Variants in DIPK1A observed in about 807,000 individuals in gnomAD.
The protein encoded by DIPK1A is divergent protein kinase domain 1A, also known as family with sequence similarity 69 member A.
DIPK1A carries 27 observed loss-of-function variants against 40.8 expected under a neutral mutation model. That is an observed-to-expected ratio of 0.66 (90% CI 0.49 to 0.91). The LOEUF (loss-of-function observed/expected upper bound fraction) is 0.91. DIPK1A is among the 40% of genes least tolerant of loss of function. The pLI is 0.00. For synonymous variants in DIPK1A, 166 were observed against 171.3 expected (o/e 0.97, Z 0.24); for missense variants, 412 against 505.7 (o/e 0.81, Z 1.78).
downstream of DIPK1A, chr1:92,841,737 T>A: frequency 6.8e-7 from 1 of 1,480,786 alleles, no homozygotes; most frequent in Non-Finnish European, 9.4e-7. Flanking sequence ...AGTTATAGTT[T>A]AAAAAATATA....
chr1:92,870,351 G>C (rs961816589), intron 2 of DIPK1A, among the ~76,000 whole-genome samples: 3 of 152,016 alleles, frequency 2.0e-5, no homozygotes, highest in African/African-American at 7.3e-5. Context: ...TCAGCCTCCT[G>C]GGTAGCTGGG....
chr1:92,871,258 C>T (rs1279663443), intron 2 of DIPK1A, among the ~76,000 whole-genome samples: 1 of 152,094 alleles, frequency 6.6e-6, no homozygotes, highest in Non-Finnish European at 1.5e-5. Flanking sequence ...CTCCTCCTCC[C>T]GGGTTCAAGC....
At chr1:92,846,825 A>ATG (rs1687630548) in intron 4 of DIPK1A, among the ~76,000 whole-genome samples, 3 of 5,528 alleles carry the variant, frequency 5.4e-4, no homozygotes, top group African/African-American at 4.7e-3. Context: ...ATATATATAT[A>ATG]TATATATATA....
chr1:92,865,928 GTTTGT>G (rs1647514827), intron 2 of DIPK1A, among the ~76,000 whole-genome samples: 1 of 152,068 alleles, frequency 6.6e-6, no homozygotes, highest in South Asian at 2.1e-4. Flanking sequence ...TCAACATTCT[GTTTGT>G]TTTTAGAATT....
At chr1:92,909,861 T>C (rs1396782876) in intron 1 of DIPK1A, among the ~76,000 whole-genome samples, 1 of 152,222 alleles carries the variant, frequency 6.6e-6, no homozygotes. Context: ...GAACCTCATT[T>C]ACAAAACATA....
At chr1:92,832,865 A>C in exon 5 of DIPK1A, 1 of 619,980 alleles carries the variant, frequency 1.6e-6, no homozygotes, top group South Asian at 1.9e-5. Flanking sequence ...CAGGTAATTT[A>C]GGCTTTTGAA....
chr1:92,927,188 T>C (rs1456690577), intron 1 of DIPK1A, among the ~76,000 whole-genome samples: 2 of 152,104 alleles, frequency 1.3e-5, no homozygotes, highest in Non-Finnish European at 2.9e-5. Context: ...TGTTTTGTTG[T>C]TGTTGTTGTT....
At chr1:92,928,073 C>T (rs1650593512) in intron 1 of DIPK1A, among the ~76,000 whole-genome samples, 1 of 152,138 alleles carries the variant, frequency 6.6e-6, no homozygotes, top group Non-Finnish European at 1.5e-5. Context: ...ACACTTCCAC[C>T]AGCAGTGTAT....
At chr1:92,940,598 A>T (rs1651115563) in intron 1 of DIPK1A, among the ~76,000 whole-genome samples, 1 of 152,244 alleles carries the variant, frequency 6.6e-6, no homozygotes, top group Non-Finnish European at 1.5e-5. Context: ...TGGAGGTATT[A>T]TGGTTTTAAA....
At chr1:92,846,888 C>CATAT (rs1381551948) in intron 4 of DIPK1A, among the ~76,000 whole-genome samples, 1 of 5,808 alleles carries the variant, frequency 1.7e-4, no homozygotes, top group Non-Finnish European at 3.0e-4. Context: ...TATATACACA[C>CATAT]ACACGTATAT....
At chr1:92,925,575 C>T (rs1369955988) in intron 1 of DIPK1A, among the ~76,000 whole-genome samples, 1 of 151,976 alleles carries the variant, frequency 6.6e-6, no homozygotes, top group Non-Finnish European at 1.5e-5. Context: ...CTCACTGCAA[C>T]CTCCACCTCC....
chr1:92,930,170 C>T (rs1650688434), intron 1 of DIPK1A, among the ~76,000 whole-genome samples: 1 of 141,052 alleles, frequency 7.1e-6, no homozygotes, highest in Admixed American at 7.1e-5. Flanking sequence ...GGGAGTGATG[C>T]TGTTGAATAC....
intron 4 of DIPK1A, chr1:92,834,628 A>C: frequency 1.0e-6 from 1 of 995,560 alleles, no homozygotes; most frequent in South Asian, 1.4e-5. Context: ...AAGCACCTCT[A>C]ATTTACTGGT....
At chr1:92,930,031 G>C (rs1414555923) in intron 1 of DIPK1A, among the ~76,000 whole-genome samples, 1 of 152,210 alleles carries the variant, frequency 6.6e-6, no homozygotes, top group East Asian at 1.9e-4. Flanking sequence ...GTGGCCAGTA[G>C]AATGCTATGA....
chr1:92,842,570 A>G lies in DIPK1A; in HGVS notation c.*813T>C. 1 of 984,382 alleles carries G rather than the reference A, an allele frequency of 1.0e-6. No individual in the cohort carries two copies. The highest frequency in any genetic ancestry group is 1.7e-5 in the African/African-American group (1 of 57,178). The allele number at this position is 984,382 out of a possible 1,614,324, so 61.0% of individuals were successfully genotyped here. On this transcript the variant is annotated 3_prime_UTR_variant, in exon 5 of 5. Coordinates refer to ENST00000370310, the MANE Select transcript of DIPK1A (RefSeq NM_001006605.5). The stretch of plus-strand genomic sequence containing the variant: ...ATATACTGTTTGAAAATGGAAAGTT[A>G]TTACTAAAAAGTCTGCTATAATTTA...
chr1:92,833,124 T>C (rs2100675544), intron 4 of DIPK1A: 6 of 680,292 alleles, frequency 8.8e-6, no homozygotes, highest in Middle Eastern at 4.8e-4. Flanking sequence ...TGTAATAAAT[T>C]GGGGCCTGCA....
intron 1 of DIPK1A, among the ~76,000 whole-genome samples, chr1:92,959,480 C>T (rs1315236126): frequency 1.5e-5 from 2 of 131,196 alleles, no homozygotes; most frequent in East Asian, 2.2e-4. Context: ...GAGACGGAGT[C>T]GCACTCTGTC....
chr1:92,923,581 T>C (rs897663848), intron 1 of DIPK1A, among the ~76,000 whole-genome samples: 1 of 152,252 alleles, frequency 6.6e-6, no homozygotes, highest in African/African-American at 2.4e-5. Flanking sequence ...TTCATAATGA[T>C]GTTCCCTTTG....
intron 4 of DIPK1A, chr1:92,836,498 C>G: frequency 1.0e-6 from 1 of 990,686 alleles, no homozygotes; most frequent in Non-Finnish European, 1.6e-6. Flanking sequence ...CAATTGAATG[C>G]CTGCTGTATG....
Sources: allele counts gnomAD v4.1 joint callset (sites outside exome capture counted in the v4.1 genomes callset), GRCh38; gene constraint gnomAD v4.1.1; transcripts MANE v1.5; gene names NCBI Gene and HGNC (gene_info 2026-07-23, HGNC 2026-07-21).